SFXN1: variants seen among roughly 807,000 people sequenced by gnomAD.
The protein encoded by SFXN1 is sideroflexin 1.
A neutral mutation model predicts 39.5 loss-of-function variants in SFXN1; 32 were observed. That is an observed-to-expected ratio of 0.81 (90% CI 0.61 to 1.09). SFXN1 has a LOEUF of 1.09. Among genes scored for constraint, SFXN1 ranks in the 50% least tolerant of loss-of-function variants. SFXN1 has a pLI of 0.00. For synonymous variants in SFXN1, 136 were observed against 146.5 expected (o/e 0.93, Z 0.52); for missense variants, 402 against 407.1 (o/e 0.99, Z 0.11).
At chr5:175,481,903 C>T (rs935125403) in intron 1 of SFXN1, among the ~76,000 whole-genome samples, 1 of 152,182 alleles carries the variant, frequency 6.6e-6, no homozygotes, top group African/African-American at 2.4e-5. Context: ...ATGACCAGCC[C>T]AACAGAAATC....
intron 10 of SFXN1, chr5:175,525,740 C>G (rs1378888815): frequency 1.3e-5 from 2 of 152,132 alleles, no homozygotes; most frequent in Non-Finnish European, 1.5e-5. Flanking sequence ...TCCTGAGTAG[C>G]TGGAGCCACA....
chr5:175,493,405 A>T (rs552121421), intron 2 of SFXN1, among the ~76,000 whole-genome samples: 1 of 152,346 alleles, frequency 6.6e-6, no homozygotes. Context: ...CATGCCCAGA[A>T]GTGACACATC....
At chr5:175,517,827 AT>A (rs1272740108) in intron 8 of SFXN1, among the ~76,000 whole-genome samples, 1 of 152,128 alleles carries the variant, frequency 6.6e-6, no homozygotes, top group Non-Finnish European at 1.5e-5. Flanking sequence ...GCAGCTCATG[AT>A]GCCCATGCGG....
intron 1 of SFXN1, among the ~76,000 whole-genome samples, chr5:175,482,978 A>G (rs953001565): frequency 2.6e-5 from 4 of 152,328 alleles, no homozygotes; most frequent in Middle Eastern, 3.4e-3. Flanking sequence ...TGTTGAGTAC[A>G]TAAGAGGCCT....
chr5:175,493,012 G>A lies in SFXN1; in HGVS notation c.164+745G>A, dbSNP rs541924356. 4.4e-3 allele frequency among the ~76,000 whole-genome samples: 667 copies of A among 152,318 alleles called. 8 individuals are homozygous for A. Among genetic ancestry groups the A allele is most frequent in the African/African-American group, 0.016 (646 of 41,580 alleles). ...CTCACGCCTGTAATCCCAGCCCTTT[G>A]GGAGGCTGAGGTGGGTAGATCACGA... On this transcript the variant is annotated intron_variant, in intron 2 of 10. Transcript: ENST00000321442.
At chr5:175,480,261 C>T (rs536580255) in intron 1 of SFXN1, among the ~76,000 whole-genome samples, 4 of 152,214 alleles carry the variant, frequency 2.6e-5, no homozygotes, top group Admixed American at 2.6e-4. Flanking sequence ...ATTAGCTGGG[C>T]GTGGTTGCGG....
intron 10 of SFXN1, chr5:175,522,870 A>G (rs157476): frequency 0.3 from 47,169 of 155,378 alleles, 10,480 homozygotes; most frequent in African/African-American, 0.62. Flanking sequence ...TTTCTTGTGC[A>G]CGCCTCTCAT....
chr5:175,492,604 G>A (rs1759701869), intron 2 of SFXN1: 1 of 188,220 alleles, frequency 5.3e-6, no homozygotes, highest in South Asian at 1.3e-4. Flanking sequence ...GCATTTTTCT[G>A]TCTCTGAACA....
At position 175,529,211 on chromosome 5, in the gene SFXN1, G is replaced by A. The variant is rs1761173135; in HGVS notation, c.*2477G>A. The A allele has an allele frequency of 6.6e-6, 1 of 152,162 alleles. No homozygotes were observed. The highest frequency in any genetic ancestry group is 2.4e-5 in the African/African-American group (1 of 41,394). 9.4% of individuals were successfully genotyped at this position (152,162 alleles called of 1,614,324 possible). ...AAATTAGCCAGGCATGGAGGCACAT[G>A]CCTATAATCCCAGCTACTCGGGAGG... On this transcript the variant is annotated 3_prime_UTR_variant, in exon 11 of 11. Coordinates refer to ENST00000321442, the MANE Select transcript of SFXN1 (RefSeq NM_022754.7).
Position 175,492,183 on chromosome 5 carries a change from A to G in SFXN1, c.80A>G (p.His27Arg). The change falls in exon 2 of 11, where the codon CAT becomes CGT. Residue 27 changes from histidine (H) to arginine (R), a missense_variant. Coordinates refer to ENST00000321442, the MANE Select transcript of SFXN1 (RefSeq NM_022754.7). The part of the protein sequence containing the change: ...DQSTFIGRAN[H>R]FFTVTDPRNI... Reference sequence around the variant, plus strand: ...AGCACTTTCATTGGACGAGCCAATCATTTCTTCACTGTAACTGACCCCAGG... The same window carrying G: ...AGCACTTTCATTGGACGAGCCAATCGTTTCTTCACTGTAACTGACCCCAGG... 2 of 1,614,124 alleles carry G rather than the reference A, an allele frequency of 1.2e-6. No individual in the cohort carries two copies. The highest frequency in any genetic ancestry group is 2.2e-5 in the East Asian group (1 of 44,866).
Position 175,497,936 on chromosome 5 carries a change from GAAAA to G in SFXN1, c.164+5685_164+5688del, listed in dbSNP as rs71581646. On this transcript the variant is annotated intron_variant, in intron 2 of 10. Coordinates refer to ENST00000321442, the MANE Select transcript of SFXN1 (RefSeq NM_022754.7). The stretch of plus-strand genomic sequence containing the variant: ...CAAGAGCAAAACTCCGTCTCAAAAA[GAAAA>G]AAAAAAAAAAAAAAACCACAATTGT... 1.3e-4 allele frequency among the ~76,000 whole-genome samples: 12 copies of G among 95,896 alleles called. No homozygotes were observed. In the East Asian group the frequency reaches 1.3e-3, roughly 10 times the overall value. 62.9% of individuals were successfully genotyped at this position (95,896 alleles called of 152,430 possible).
rs1255724309 is a variant in SFXN1, at chr5:175,513,569, C to T, written c.703C>T (p.Leu235Phe). 1.1e-5 allele frequency: 18 copies of T among 1,613,758 alleles called. No homozygotes were observed. Among genetic ancestry groups the T allele is most frequent in the Non-Finnish European group, 1.4e-5 (16 of 1,179,906 alleles). Residue 235 changes from leucine (L) to phenylalanine (F), a missense_variant, in exon 7 of 11, where the codon CTC (leucine) becomes TTC (phenylalanine). Transcript: ENST00000321442. ...AITQVVVSRI[L>F]MAAPGMAIPP... Reference sequence around the variant, plus strand: ...CACGCAAGTTGTCGTGTCCAGGATTCTCATGGCAGCCCCTGGCATGGGTTA... The same window carrying T: ...CACGCAAGTTGTCGTGTCCAGGATTTTCATGGCAGCCCCTGGCATGGGTTA...
intron 10 of SFXN1, among the ~76,000 whole-genome samples, chr5:175,524,865 T>C (rs1466176512): frequency 1.3e-5 from 2 of 152,142 alleles, no homozygotes; most frequent in Admixed American, 6.5e-5. Flanking sequence ...TGATTAAAAA[T>C]AATACCAACA....
chr5:175,491,129 A>C (rs1759637846), intron 1 of SFXN1, among the ~76,000 whole-genome samples: 1 of 152,238 alleles, frequency 6.6e-6, no homozygotes, highest in Admixed American at 6.5e-5. Context: ...CTTTTGGAAA[A>C]AAAGTAATGG....
chr5:175,519,194 T>C (rs1164565427), intron 8 of SFXN1, among the ~76,000 whole-genome samples: 1 of 152,156 alleles, frequency 6.6e-6, no homozygotes, highest in Non-Finnish European at 1.5e-5. Context: ...CTAAAAAGAT[T>C]GATCATAGCA....
intron 6 of SFXN1, 92 bp from the exon 7 acceptor site, chr5:175,513,371 A>C: frequency 7.4e-7 from 1 of 1,359,024 alleles, no homozygotes; most frequent in Non-Finnish European, 1.0e-6. Context: ...TATTTGAATT[A>C]AGTAGAGGGT....
At chr5:175,508,322 C>T (rs1223133698) in intron 2 of SFXN1, among the ~76,000 whole-genome samples, 1 of 145,410 alleles carries the variant, frequency 6.9e-6, no homozygotes, top group African/African-American at 2.5e-5. Context: ...ACCTCCCGGG[C>T]TCAAGTGATC....
chr5:175,507,942 C>A (rs1230119422), intron 2 of SFXN1, among the ~76,000 whole-genome samples: 1 of 148,392 alleles, frequency 6.7e-6, no homozygotes, highest in Non-Finnish European at 1.5e-5. Context: ...CATTGCACTC[C>A]AGCCTGGGTG....
intron 10 of SFXN1, chr5:175,524,123 AAAATATATATATAT>A (rs1279617561): frequency 3.9e-5 from 1 of 25,534 alleles, no homozygotes; most frequent in African/African-American, 2.1e-4. Context: ...AAAAAAAAAA[AAAATATATATATAT>A]ATATATATAT....
Sources: gnomAD v4.1 joint callset for allele counts (sites outside exome capture counted in the v4.1 genomes callset) on GRCh38, gnomAD v4.1.1 for gene constraint, MANE v1.5 for transcripts, NCBI Gene and HGNC (gene_info 2026-07-23, HGNC 2026-07-21) for gene names.